The following DDC variants were observed in gnomAD, a reference collection of about 807,000 sequenced individuals.
The protein encoded by DDC is dopa decarboxylase.
Under a neutral mutation model 60.0 loss-of-function variants are expected in DDC, and 43 were observed. That is an observed-to-expected ratio of 0.72 (90% CI 0.56 to 0.92). The LOEUF (loss-of-function observed/expected upper bound fraction) is 0.92. DDC is among the 40% of genes least tolerant of loss of function. DDC has a pLI of 0.00. For synonymous variants in DDC, 232 were observed against 234.6 expected (o/e 0.99, Z 0.10); for missense variants, 573 against 620.2 (o/e 0.92, Z 0.81).
At chr7:50,479,171 G>A (rs1390805566) in intron 10 of DDC, among the ~76,000 whole-genome samples, 1 of 152,226 alleles carries the variant, frequency 6.6e-6, no homozygotes, top group African/African-American at 2.4e-5. Context: ...CCCCAGAGCA[G>A]CCTGTGTCCC....
At chr7:50,547,655 C>A (rs908472817) in intron 1 of DDC, among the ~76,000 whole-genome samples, 1 of 122,014 alleles carries the variant, frequency 8.2e-6, no homozygotes, top group Non-Finnish European at 2.0e-5. Context: ...ATTGGTGTAT[C>A]CCAGTGGCCA....
At chr7:50,480,187 T>C (rs1585157760) in intron 9 of DDC, among the ~76,000 whole-genome samples, 2 of 151,892 alleles carry the variant, frequency 1.3e-5, no homozygotes, top group South Asian at 4.2e-4. Flanking sequence ...CCAGGGAGGG[T>C]AGGGGGCTGG....
At chr7:50,461,054 A>AAAAT (rs1265203238) in intron 14 of DDC, among the ~76,000 whole-genome samples, 1 of 151,644 alleles carries the variant, frequency 6.6e-6, no homozygotes, top group East Asian at 1.9e-4. Context: ...AATAAAAAAA[A>AAAAT]AAATAAATAA....
intron 9 of DDC, chr7:50,480,101 C>G: frequency 1.8e-6 from 1 of 556,728 alleles, no homozygotes; most frequent in Non-Finnish European, 3.2e-6. Context: ...CCCTTGAGAT[C>G]TCCTAGTGAT....
intron 13 of DDC, among the ~76,000 whole-genome samples, chr7:50,464,683 C>T (rs990784954): frequency 6.6e-6 from 1 of 152,194 alleles, no homozygotes; most frequent in African/African-American, 2.4e-5. Flanking sequence ...GGGACAATTA[C>T]AATGAACAAA....
At chr7:50,510,797 C>T (rs4947588) in intron 6 of DDC, among the ~76,000 whole-genome samples, 45,988 of 151,028 alleles carry the variant, frequency 0.3, 7,421 homozygotes, top group Admixed American at 0.4. Context: ...CTGGCTAACA[C>T]GGTAAAACCC....
intron 12 of DDC, among the ~76,000 whole-genome samples, chr7:50,467,741 TC>T (rs2042430235): frequency 6.6e-6 from 1 of 152,164 alleles, no homozygotes; most frequent in African/African-American, 2.4e-5. Context: ...ATCATGATTA[TC>T]CCCATTTTGG....
intron 6 of DDC, among the ~76,000 whole-genome samples, chr7:50,512,700 G>A (rs1230021148): frequency 1.3e-5 from 2 of 152,162 alleles, no homozygotes; most frequent in African/African-American, 4.8e-5. Flanking sequence ...AAGAGGTGGT[G>A]GCCATTGTTG....
At chr7:50,562,431 T>TC (rs1055029734) in intron 1 of DDC, among the ~76,000 whole-genome samples, 1 of 151,916 alleles carries the variant, frequency 6.6e-6, no homozygotes, top group African/African-American at 2.4e-5. Flanking sequence ...AGGTGGCTCA[T>TC]CCCCCCAAAC....
chr7:50,510,284 TCTTA>T lies in DDC; in HGVS notation c.715-6229_715-6226del, dbSNP rs2043517451. On this transcript the variant is annotated intron_variant, in intron 6 of 14. Transcript: ENST00000444124. ...GCCACCGCACCTGGCCACTTATGTA[TCTTA>T]CTTATTTACTTTGTTTACATAAGCT... Among the ~76,000 whole-genome samples, 3 of 152,260 alleles carry T rather than the reference TCTTA, an allele frequency of 2.0e-5. No homozygotes were observed. The South Asian group carries it at 6.2e-4, about 32-fold the overall frequency.
intron 6 of DDC, among the ~76,000 whole-genome samples, chr7:50,513,212 C>A (rs972075637): frequency 1.3e-5 from 2 of 152,206 alleles, no homozygotes; most frequent in African/African-American, 4.8e-5. Context: ...CACACACCCC[C>A]ACTAGAGAAA....
rs752723983 is a variant in DDC at position 50,528,149 on chromosome 7, C to G, written c.702G>C (p.Leu234=). The G allele has an allele frequency of 4.7e-5, 75 of 1,612,856 alleles. No homozygotes were observed. The highest frequency in any genetic ancestry group is 6.3e-5 in the Non-Finnish European group (74 of 1,180,004). The change falls in exon 6 of 15, where the codon CTG becomes CTC. Residue 234 remains leucine (L), a synonymous_variant. Transcript: ENST00000444124. ...CTGCCGAACTTACAAAGAAAGGAAT[C>G]AGGCCAGCCGCTTTGTCTCTCTCCA... ...EALERDKAAG[L]IPFFMVATLG...
At chr7:50,467,150 T>C in intron 13 of DDC, 64 bp downstream of exon 13, 1 of 1,390,192 alleles carries the variant, frequency 7.2e-7, no homozygotes, top group Middle Eastern at 1.8e-4. Flanking sequence ...ATGGAGGTAA[T>C]GAACAACACT....
intron 6 of DDC, chr7:50,527,612 A>T (rs968230461): frequency 6.3e-6 from 1 of 158,570 alleles, no homozygotes; most frequent in Admixed American, 6.0e-5. Flanking sequence ...AATGGACCTT[A>T]CCTCCCCGCA....
At chr7:50,495,848 G>A (rs2043115916) in intron 8 of DDC, among the ~76,000 whole-genome samples, 1 of 152,154 alleles carries the variant, frequency 6.6e-6, no homozygotes, top group African/African-American at 2.4e-5. Context: ...TCCTTCACAA[G>A]CACAACGTAC....
At chr7:50,460,667 A>C (rs1360586028) in intron 14 of DDC, among the ~76,000 whole-genome samples, 1 of 151,544 alleles carries the variant, frequency 6.6e-6, no homozygotes, top group Non-Finnish European at 1.5e-5. Flanking sequence ...GTGTAGAAAG[A>C]GGTAGACACA....
intron 3 of DDC, 64 bp from the exon 4 acceptor site, chr7:50,538,043 G>GT: frequency 6.3e-7 from 1 of 1,598,682 alleles, no homozygotes. Context: ...GGGGTCAGCA[G>GT]TAACAAGGGG....
intron 1 of DDC, among the ~76,000 whole-genome samples, chr7:50,552,087 AG>A (rs1393683977): frequency 6.6e-6 from 1 of 152,224 alleles, no homozygotes; most frequent in East Asian, 1.9e-4. Context: ...TCCTAGTCAA[AG>A]TGTAAAGTAA....
intron 9 of DDC, among the ~76,000 whole-genome samples, chr7:50,490,021 G>A (rs548317889): frequency 2.6e-5 from 4 of 152,258 alleles, no homozygotes; most frequent in Admixed American, 1.3e-4. Flanking sequence ...AAGAATAAAG[G>A]TTGTGAAATC....
Sources: gnomAD v4.1 joint callset for allele counts (sites outside exome capture counted in the v4.1 genomes callset) on GRCh38, gnomAD v4.1.1 for gene constraint, MANE v1.5 for transcripts, NCBI Gene and HGNC (gene_info 2026-07-23, HGNC 2026-07-21) for gene names.